Variants in STPG2 observed in about 807,000 individuals in gnomAD.
STPG2 encodes sperm-tail PG-rich repeat-containing protein 2.
STPG2 carries 56 observed loss-of-function variants against 54.2 expected under a neutral mutation model. That is an observed-to-expected ratio of 1.03 (90% CI 0.83 to 1.29). The LOEUF is 1.29. Among genes scored for constraint, STPG2 ranks in the 50% most tolerant of loss-of-function variants. The pLI, the probability that STPG2 is intolerant of heterozygous loss-of-function variation, is 0.00. For missense variants in STPG2, 596 were observed against 544.9 expected (o/e 1.09, Z -0.93); for synonymous variants, 200 against 181.8 (o/e 1.10, Z -0.81).
At position 97,703,083 on chromosome 4, in the gene STPG2, G is replaced by A. The variant is rs189589931; in HGVS notation, c.1320+9616C>T. 1.6e-3 allele frequency among the ~76,000 whole-genome samples: 238 copies of A among 152,030 alleles called. 1 individual carries two copies. Among genetic ancestry groups the A allele is most frequent in the African/African-American group, 5.4e-3 (225 of 41,462 alleles). On this transcript the variant is annotated intron_variant, in intron 10 of 10. Transcript: ENST00000295268. ...GCTTCATTATGTTCCTTGGTTCTCC[G>A]CATATGGTCAAAAGTATTAGGTATA... is the stretch of plus-strand genomic sequence containing the variant.
intron 5 of STPG2, among the ~76,000 whole-genome samples, chr4:98,041,795 T>C (rs1178356869): frequency 3.9e-5 from 6 of 151,982 alleles, no homozygotes; most frequent in African/African-American, 1.4e-4. Flanking sequence ...TGTAGTTTTC[T>C]TTTTGTGTTA....
At position 97,669,656 on chromosome 4, in the gene STPG2, C is replaced by T; in HGVS notation, c.1320+43043G>A. Among the ~76,000 whole-genome samples, 2 of 84,358 alleles carry T rather than the reference C, an allele frequency of 2.4e-5. 1 individual carries two copies. The highest frequency in any genetic ancestry group is 1.1e-3 in the South Asian group (2 of 1,850). 55.3% of individuals were successfully genotyped at this position (84,358 alleles called of 152,430 possible). On this transcript the variant is annotated intron_variant, in intron 10 of 10. Coordinates refer to ENST00000295268, the MANE Select transcript of STPG2 (RefSeq NM_174952.3). The stretch of plus-strand genomic sequence containing the variant: ...CTAAAAATACAAAAAATTAGCCGGG[C>T]GCGGTGGCGGGCGCCTGTAGTCCCA...
chr4:97,495,826 A>G (rs1237861090), intron 4 of STPG2, among the ~76,000 whole-genome samples: 2 of 151,548 alleles, frequency 1.3e-5, no homozygotes, highest in East Asian at 1.9e-4. Flanking sequence ...AATAAAATAA[A>G]ATAAGTAAAT....
chr4:97,457,141 T>C (rs2148804152), intron 4 of STPG2, among the ~76,000 whole-genome samples: 1 of 152,312 alleles, frequency 6.6e-6, no homozygotes, highest in African/African-American at 2.4e-5. Context: ...GTACTCTTAT[T>C]CCTTGCTGGT....
chr4:97,892,465 G>A (rs1160411118), intron 8 of STPG2, among the ~76,000 whole-genome samples: 1 of 152,026 alleles, frequency 6.6e-6, no homozygotes, highest in African/African-American at 2.4e-5. Flanking sequence ...AGAACAAAAT[G>A]CCTTATTTAT....
chr4:97,723,337 G>A lies in STPG2; in HGVS notation c.1205-10523C>T, dbSNP rs1578508183. On this transcript the variant is annotated intron_variant, in intron 9 of 10. Coordinates refer to ENST00000295268, the MANE Select transcript of STPG2 (RefSeq NM_174952.3). Reference sequence around the variant, plus strand: ...CACTGAGGACTCCAAAAGGGGGGAGGGAGGGGTTAAGGGTAAAAATCTACT... The same window carrying A: ...CACTGAGGACTCCAAAAGGGGGGAGAGAGGGGTTAAGGGTAAAAATCTACT... Among the ~76,000 whole-genome samples the A allele has an allele frequency of 3.3e-5, 5 of 152,050 alleles. No homozygotes were observed. The South Asian group carries it at 1.0e-3, about 32-fold the overall frequency.
intron 9 of STPG2, among the ~76,000 whole-genome samples, chr4:97,814,756 A>G (rs1727856160): frequency 6.6e-6 from 1 of 152,130 alleles, no homozygotes; most frequent in African/African-American, 2.4e-5. Context: ...TGAAAAGACT[A>G]CACTGGCTTA....
intron 6 of STPG2, among the ~76,000 whole-genome samples, chr4:97,980,048 T>C (rs1047785909): frequency 4.6e-5 from 7 of 152,020 alleles, no homozygotes; most frequent in African/African-American, 1.4e-4. Context: ...TAGCCAGGCA[T>C]TGTAGCACAC....
intron 8 of STPG2, among the ~76,000 whole-genome samples, chr4:97,883,859 A>G (rs1177988516): frequency 6.6e-6 from 1 of 152,212 alleles, no homozygotes; most frequent in Non-Finnish European, 1.5e-5. Flanking sequence ...TTAAGAGAGA[A>G]TAACCAAGAA....
intron 6 of STPG2, among the ~76,000 whole-genome samples, chr4:97,976,360 A>AT (rs1443901110): frequency 6.6e-6 from 1 of 152,168 alleles, no homozygotes; most frequent in African/African-American, 2.4e-5. Context: ...AGAGCATAAC[A>AT]TAGCACTTTG....
intron 7 of STPG2, among the ~76,000 whole-genome samples, chr4:97,967,235 C>T (rs1014726572): frequency 7.4e-5 from 10 of 135,248 alleles, no homozygotes; most frequent in Middle Eastern, 8.8e-3. Context: ...TCTGATAAAA[C>T]AGACTTTAAA....
chr4:97,662,802 G>A (rs913940121), intron 10 of STPG2, among the ~76,000 whole-genome samples: 7 of 152,224 alleles, frequency 4.6e-5, no homozygotes, highest in Middle Eastern at 3.4e-3. Context: ...GGGAGGAAGT[G>A]GGGACTGTGG....
chr4:97,900,252 T>C (rs1407069967), intron 8 of STPG2, among the ~76,000 whole-genome samples: 3 of 152,144 alleles, frequency 2.0e-5, no homozygotes, highest in Non-Finnish European at 2.9e-5. Context: ...AGAATGGCTA[T>C]TGTTAAAAAG....
intron 10 of STPG2, among the ~76,000 whole-genome samples, chr4:97,561,180 T>A (rs537750628): frequency 6.6e-6 from 1 of 152,294 alleles, no homozygotes; most frequent in East Asian, 1.9e-4. Context: ...GTGGTTTTGA[T>A]TTGCATTTCT....
chr4:98,015,968 A>G (rs968983051), intron 5 of STPG2, among the ~76,000 whole-genome samples: 1 of 152,184 alleles, frequency 6.6e-6, no homozygotes, highest in Non-Finnish European at 1.5e-5. Flanking sequence ...CAGAAAACCA[A>G]ACATCGCATG....
chr4:97,831,927 A>T (rs1385669220), intron 9 of STPG2, among the ~76,000 whole-genome samples: 1 of 152,196 alleles, frequency 6.6e-6, no homozygotes, highest in African/African-American at 2.4e-5. Context: ...TCACAGCCAA[A>T]TTCTACCAGA....
chr4:97,930,350 T>C (rs1477383642), intron 8 of STPG2, among the ~76,000 whole-genome samples: 2 of 152,246 alleles, frequency 1.3e-5, no homozygotes, highest in African/African-American at 4.8e-5. Context: ...AGTTGTTTTC[T>C]GTATATGGTA....
At chr4:98,035,585 C>G (rs926723023) in intron 5 of STPG2, among the ~76,000 whole-genome samples, 9 of 152,134 alleles carry the variant, frequency 5.9e-5, no homozygotes, top group Admixed American at 3.9e-4. Context: ...ACCCAGCAAT[C>G]CAGTTACTGG....
chr4:97,987,923 G>C (rs1020180094), intron 5 of STPG2, among the ~76,000 whole-genome samples: 1 of 151,798 alleles, frequency 6.6e-6, no homozygotes, highest in African/African-American at 2.4e-5. Context: ...CAGTGAAGCA[G>C]CTGTTCCACA....
Sources: gnomAD v4.1 joint callset for allele counts (sites outside exome capture counted in the v4.1 genomes callset) on GRCh38, gnomAD v4.1.1 for gene constraint, MANE v1.5 for transcripts, NCBI Gene and HGNC (gene_info 2026-07-23, HGNC 2026-07-21) for gene names.